KHDRBS2: variants seen among roughly 807,000 people sequenced by gnomAD.
KHDRBS2 encodes the protein KH RNA binding domain containing, signal transduction associated 2.
KHDRBS2 carries 26 observed loss-of-function variants against 44.3 expected under a neutral mutation model. The ratio of observed to expected loss-of-function variants is 0.59; its 90% CI spans 0.43 to 0.81. The LOEUF is 0.81. Ranked by LOEUF, KHDRBS2 falls within the 40% of genes least tolerant of loss-of-function variation. KHDRBS2 has a pLI of 0.00. For synonymous variants in KHDRBS2, 194 were observed against 151.1 expected (o/e 1.28, Z -2.08); for missense variants, 476 against 433.1 (o/e 1.10, Z -0.88).
chr6:61,947,772 G>A (rs1813663950), intron 4 of KHDRBS2, among the ~76,000 whole-genome samples: 1 of 151,826 alleles, frequency 6.6e-6, no homozygotes, highest in African/African-American at 2.4e-5. Flanking sequence ...TGAATATACT[G>A]AGTCATAATG....
chr6:62,072,744 A>T (rs1014140010), intron 2 of KHDRBS2, among the ~76,000 whole-genome samples: 2 of 152,120 alleles, frequency 1.3e-5, no homozygotes, highest in South Asian at 4.1e-4. Flanking sequence ...TCGGTTTGCC[A>T]TTATTTTATT....
At chr6:61,958,753 G>C (rs1411449569) in intron 4 of KHDRBS2, among the ~76,000 whole-genome samples, 2 of 151,968 alleles carry the variant, frequency 1.3e-5, no homozygotes, top group African/African-American at 4.8e-5. Context: ...ATTTTTTGCT[G>C]TAGCCCTCCT....
intron 6 of KHDRBS2, among the ~76,000 whole-genome samples, chr6:61,773,695 G>A (rs567237248): frequency 6.7e-4 from 102 of 151,756 alleles, no homozygotes; most frequent in Admixed American, 1.2e-3. Flanking sequence ...TGCTTTTGGT[G>A]TTGTAGACAT....
At chr6:61,706,443 C>T (rs1769569520) in intron 7 of KHDRBS2, among the ~76,000 whole-genome samples, 1 of 151,668 alleles carries the variant, frequency 6.6e-6, no homozygotes, top group Non-Finnish European at 1.5e-5. Context: ...GGAAAAGATG[C>T]TACTCAGAGA....
rs1181672621 is a variant in KHDRBS2, at chr6:62,063,411, C to T, written c.220-15417G>A. Among the ~76,000 whole-genome samples, 6 of 151,348 alleles carry T rather than the reference C, an allele frequency of 4.0e-5. No homozygotes were observed. In the South Asian group the frequency reaches 6.3e-4, roughly 16 times the overall value. The stretch of plus-strand genomic sequence containing the variant: ...TACTGGCAAACCGAATCCAGCAGGA[C>T]ATCAAAAAGCTTACCCACCATGATC... On this transcript the variant is annotated intron_variant, in intron 2 of 8. Transcript: ENST00000281156.
chr6:62,015,204 T>C lies in KHDRBS2; in HGVS notation c.336+32674A>G, dbSNP rs1256180195. ...TTAAGGTAGTATACTTATAGATTAATACACACATAAAGTACATATGACATA... is the reference window on the plus strand; with the variant it reads ...TTAAGGTAGTATACTTATAGATTAACACACACATAAAGTACATATGACATA... On this transcript the variant is annotated intron_variant, in intron 3 of 8. Coordinates refer to ENST00000281156, the MANE Select transcript of KHDRBS2 (RefSeq NM_152688.4). Among the ~76,000 whole-genome samples, 4 of 152,194 alleles carry C rather than the reference T, an allele frequency of 2.6e-5. No homozygotes were observed. The East Asian group carries it at 7.7e-4, about 29-fold the overall frequency.
At chr6:61,961,941 A>G (rs1768828763) in intron 4 of KHDRBS2, among the ~76,000 whole-genome samples, 1 of 150,980 alleles carries the variant, frequency 6.6e-6, no homozygotes, top group Non-Finnish European at 1.5e-5. Context: ...CTATGTAGGT[A>G]CCATATAATA....
At chr6:61,896,872 T>C (rs1803027666) in intron 5 of KHDRBS2, among the ~76,000 whole-genome samples, 2 of 152,206 alleles carry the variant, frequency 1.3e-5, no homozygotes, top group Non-Finnish European at 2.9e-5. Flanking sequence ...ACCTTTCTAC[T>C]ATTTTTAAGA....
At chr6:62,274,942 AATAT>A (rs1398327591) in intron 1 of KHDRBS2, among the ~76,000 whole-genome samples, 11 of 151,520 alleles carry the variant, frequency 7.3e-5, no homozygotes, top group Non-Finnish European at 1.6e-4. Flanking sequence ...TCGCTCATCA[AATAT>A]ATACACATCC....
chr6:61,804,159 C>G (rs1786749104), intron 6 of KHDRBS2, among the ~76,000 whole-genome samples: 1 of 152,078 alleles, frequency 6.6e-6, no homozygotes, highest in Non-Finnish European at 1.5e-5. Flanking sequence ...AAGTTAGTTA[C>G]TTCCTAGGGA....
intron 2 of KHDRBS2, among the ~76,000 whole-genome samples, chr6:62,155,543 C>A (rs1816167745): frequency 6.6e-6 from 1 of 152,184 alleles, no homozygotes; most frequent in Non-Finnish European, 1.5e-5. Flanking sequence ...AGGTCAAGAT[C>A]TATGCATATG....
chr6:62,023,292 AT>A (rs1241859868), intron 3 of KHDRBS2, among the ~76,000 whole-genome samples: 1 of 151,804 alleles, frequency 6.6e-6, no homozygotes, highest in African/African-American at 2.4e-5. Context: ...GTGCTTATAT[AT>A]CTTTGTGATT....
chr6:61,660,193 A>G, the KHDRBS2 span, among the ~76,000 whole-genome samples: 1 of 151,812 alleles, frequency 6.6e-6, no homozygotes, highest in Non-Finnish European at 1.5e-5. Flanking sequence ...AATTCCAAAG[A>G]GAGTGTTATA....
At chr6:62,006,647 A>C (rs1779283095) in intron 3 of KHDRBS2, among the ~76,000 whole-genome samples, 1 of 152,100 alleles carries the variant, frequency 6.6e-6, no homozygotes, top group Admixed American at 6.6e-5. Context: ...TGAAATAAAA[A>C]TACTGATCCG....
intron 4 of KHDRBS2, among the ~76,000 whole-genome samples, chr6:61,945,131 A>ATG (rs1813060669): frequency 2.3e-5 from 2 of 85,648 alleles, no homozygotes; most frequent in African/African-American, 8.4e-5. Flanking sequence ...ATATATATAT[A>ATG]TATATATATA....
intron 6 of KHDRBS2, among the ~76,000 whole-genome samples, chr6:61,879,071 A>C (rs1316482430): frequency 2.0e-5 from 3 of 151,946 alleles, no homozygotes; most frequent in Admixed American, 1.3e-4. Flanking sequence ...CCTGACTACT[A>C]TAAAGTTGAA....
chr6:62,067,494 T>C (rs755255341), intron 2 of KHDRBS2, among the ~76,000 whole-genome samples: 2 of 151,578 alleles, frequency 1.3e-5, no homozygotes, highest in East Asian at 3.9e-4. Context: ...TTCAGTCATG[T>C]ACCTCTACAG....
chr6:61,722,061 G>C (rs1195048017), intron 7 of KHDRBS2, among the ~76,000 whole-genome samples: 1 of 151,848 alleles, frequency 6.6e-6, no homozygotes, highest in African/African-American at 2.4e-5. Flanking sequence ...CTTTGGTTCT[G>C]TTTATATGCT....
chr6:61,623,163 C>T, the KHDRBS2 span, among the ~76,000 whole-genome samples: 1 of 152,120 alleles, frequency 6.6e-6, no homozygotes, highest in East Asian at 1.9e-4. Flanking sequence ...GGCAGTTGCC[C>T]TTATTAAAAG....
Sources: gnomAD v4.1 joint callset for allele counts (sites outside exome capture counted in the v4.1 genomes callset) on GRCh38, gnomAD v4.1.1 for gene constraint, MANE v1.5 for transcripts, NCBI Gene and HGNC (gene_info 2026-07-23, HGNC 2026-07-21) for gene names.